SEZ6: variants seen among roughly 807,000 people sequenced by gnomAD.
SEZ6 encodes the protein seizure related 6 homolog.
SEZ6 carries 53 observed loss-of-function variants against 101.0 expected under a neutral mutation model. The ratio of observed to expected loss-of-function variants is 0.52; its 90% CI spans 0.42 to 0.66. The LOEUF (loss-of-function observed/expected upper bound fraction) is 0.66, where lower values mean the gene tolerates loss of function less well. Ranked by LOEUF, SEZ6 falls within the 30% of genes least tolerant of loss-of-function variation. The pLI is 0.00. For missense variants in SEZ6, 1,102 were observed against 1,289.4 expected, an observed-to-expected ratio of 0.85 and a Z score of 2.23; for synonymous variants, 488 against 512.2, an observed-to-expected ratio of 0.95 and a Z score of 0.64.
chr17:28,964,771 A>G (rs1028374569), intron 4 of SEZ6, among the ~76,000 whole-genome samples: 2 of 152,210 alleles, frequency 1.3e-5, no homozygotes, highest in African/African-American at 4.8e-5. Flanking sequence ...TAAAACCAGA[A>G]TGGTGGCCGG....
chr17:28,959,218 C>T lies in SEZ6; in HGVS notation c.1914G>A (p.Leu638=). The change falls in exon 10 of 17, where the codon CTG becomes CTA. Residue 638 remains leucine (L), a synonymous_variant. Transcript: ENST00000317338. The surrounding 1 kb of genome is among the most constrained non-coding windows in gnomAD (Gnocchi z 4.4). ...DKRIMLDIRV[L]RIGPGDVLTF... is the part of the protein sequence containing the mutation. ...TAAGCACATCACCAGGGCCTATGCG[C>T]AGCCTGTGAAGGAGGAGCGTCAGGG... is the stretch of plus-strand genomic sequence containing the variant. 6.2e-7 allele frequency: 1 copy of T among 1,612,640 alleles called. No homozygotes were observed. The highest frequency in any genetic ancestry group is 8.5e-7 in the Non-Finnish European group (1 of 1,179,084).
At chr17:28,977,296 T>C (rs949397904) in intron 3 of SEZ6, among the ~76,000 whole-genome samples, 10 of 152,240 alleles carry the variant, frequency 6.6e-5, no homozygotes, top group African/African-American at 2.2e-4. Context: ...CTCTTGCTCC[T>C]TCCCCAAATT....
chr17:28,989,850 C>T (rs1375234530), intron 1 of SEZ6, among the ~76,000 whole-genome samples: 10 of 152,148 alleles, frequency 6.6e-5, no homozygotes, highest in Admixed American at 5.9e-4. Context: ...GGGGGATCAC[C>T]TGAGGTCAGG....
intron 13 of SEZ6, 100 bp from the exon 14 acceptor site, chr17:28,956,857 G>C: frequency 6.8e-7 from 1 of 1,462,628 alleles, no homozygotes; most frequent in African/African-American, 1.4e-5. Context: ...GGAAGGATTT[G>C]TCCAAGGAGA....
rs2041303038 is a variant in SEZ6 at position 28,981,520 on chromosome 17, C to G, written c.575G>C (p.Gly192Ala). 1.9e-6 allele frequency: 3 copies of G among 1,611,314 alleles called. No homozygotes were observed. The African/African-American group carries it at 4.0e-5, about 22-fold the overall frequency. ...CACAACCTCTGCAACCCACGGCCTT[C>G]CCATGTCTCCAGGACCCTCTTGGGT... ...TPTQEGPGDM[G>A]RPWVAEVVSQ... The change falls in exon 2 of 17, where the codon GGA (glycine) becomes GCA (alanine). Residue 192 changes from glycine to alanine, a missense_variant. By Grantham distance (60) the Gly-to-Ala change is moderately conservative (BLOSUM62 0). This residue lies in a region of SEZ6 where 406 missense variants were observed against 418.6 expected (regional missense o/e 0.97). Coordinates refer to ENST00000317338, the MANE Select transcript of SEZ6 (RefSeq NM_178860.5).
At position 28,959,606 on chromosome 17, in the gene SEZ6, C is replaced by A; in HGVS notation, c.1771+92G>T. 6.5e-7 allele frequency: 1 copy of A among 1,534,856 alleles called. No homozygotes were observed. The highest frequency in any genetic ancestry group is 1.2e-5 in the South Asian group (1 of 80,204). On this transcript the variant is annotated intron_variant, in intron 8 of 16. Coordinates refer to ENST00000317338, the MANE Select transcript of SEZ6 (RefSeq NM_178860.5). This position sits in a 1 kb window ranked among gnomAD's most constrained non-coding sequence, Gnocchi z 4.4. Reference sequence around the variant, plus strand: ...TGGAGGAAGCCTGAACCACGCATATCACAGGGCCCCTGTGGCCCCGGGCTC... The same window carrying A: ...TGGAGGAAGCCTGAACCACGCATATAACAGGGCCCCTGTGGCCCCGGGCTC...
At chr17:28,984,772 G>A (rs1455431854) in intron 1 of SEZ6, among the ~76,000 whole-genome samples, 1 of 152,204 alleles carries the variant, frequency 6.6e-6, no homozygotes, top group Non-Finnish European at 1.5e-5. Context: ...CTCTGTTGGA[G>A]GCCTGAGGCC....
intron 7 of SEZ6, 171 bp downstream of exon 7, chr17:28,960,334 G>A (rs563908180): frequency 1.8e-4 from 152 of 853,460 alleles, no homozygotes; most frequent in Middle Eastern, 1.0e-3. Flanking sequence ...TAGGGATCCC[G>A]GACCCAAAGA....
At chr17:28,979,334 C>A (rs1302778097) in intron 3 of SEZ6, among the ~76,000 whole-genome samples, 1 of 152,176 alleles carries the variant, frequency 6.6e-6, no homozygotes, top group Non-Finnish European at 1.5e-5. Flanking sequence ...AGAGGATTTG[C>A]TGAATGAATG....
intron 5 of SEZ6, among the ~76,000 whole-genome samples, chr17:28,963,010 G>C (rs1482434854): frequency 6.6e-6 from 1 of 151,848 alleles, no homozygotes; most frequent in East Asian, 1.9e-4. Context: ...TGTAGTCCCA[G>C]CTACTCGGGA....
chr17:28,977,437 G>C (rs1158238912), intron 3 of SEZ6, among the ~76,000 whole-genome samples: 1 of 152,268 alleles, frequency 6.6e-6, no homozygotes, highest in Non-Finnish European at 1.5e-5. Flanking sequence ...GGTGGGGCCA[G>C]CATCTGCCAC....
chr17:28,957,066 G>A lies in SEZ6; in HGVS notation c.2671C>T (p.Pro891Ser), dbSNP rs747461463. 2.5e-6 allele frequency: 4 copies of A among 1,601,046 alleles called. No individual in the cohort carries two copies. The highest frequency in any genetic ancestry group is 1.7e-5 in the Admixed American group (1 of 59,280). ...VPGHPSHWSD[P>S]PPICRAASLD... is the part of the protein sequence containing the mutation. ...TCACCAGCCCTACAGATGGGTGGGGGGTCACTCCAATGCGAGGGGTGCCCA... is the reference window on the plus strand; with the variant it reads ...TCACCAGCCCTACAGATGGGTGGGGAGTCACTCCAATGCGAGGGGTGCCCA... Residue 891 changes from proline (P) to serine (S), a missense_variant, in exon 13 of 17, where the codon CCC becomes TCC. Around this residue, in one of 3 missense-constraint regions of SEZ6, gnomAD observed 140 missense variants for 135.7 expected, o/e 1.03. Transcript: ENST00000317338.
chr17:28,988,659 C>T (rs953825438), intron 1 of SEZ6, among the ~76,000 whole-genome samples: 2 of 152,218 alleles, frequency 1.3e-5, no homozygotes, highest in East Asian at 1.9e-4. Flanking sequence ...CACAGCCTCT[C>T]ACCACCCTCT....
chr17:28,960,464 C>A, intron 7 of SEZ6, 41 bp downstream of exon 7: 1 of 1,564,434 alleles, frequency 6.4e-7, no homozygotes, highest in South Asian at 1.2e-5. Context: ...GAGCCCATCC[C>A]CGTGGACCCG....
Position 28,958,022 on chromosome 17 carries a change from G to C in SEZ6, c.2227C>G (p.Gln743Glu). Residue 743 changes from glutamine (Q) to glutamate (E), a missense_variant, in exon 11 of 17, where the codon CAG becomes GAG. By Grantham distance (29) the Gln-to-Glu change is conservative. Coordinates refer to ENST00000317338, the MANE Select transcript of SEZ6 (RefSeq NM_178860.5). ...ATGAGGACACTGGATCCCACTACCT[G>C]GTAGCCAGGGTAGCACTGGTAAGTG... is the stretch of plus-strand genomic sequence containing the variant. ...VVTYQCYPGY[Q>E]VVGSSVLMCQ... is the part of the protein sequence containing the mutation. 1.2e-6 allele frequency: 2 copies of C among 1,613,934 alleles called. No individual in the cohort carries two copies. The highest frequency in any genetic ancestry group is 1.7e-6 in the Non-Finnish European group (2 of 1,179,840).
chr17:29,001,941 T>C (rs1490326630), intron 1 of SEZ6, among the ~76,000 whole-genome samples: 4 of 152,160 alleles, frequency 2.6e-5, no homozygotes, highest in South Asian at 2.1e-4. Context: ...GCAACTTCCA[T>C]TGAAGGCTCC....
chr17:28,977,606 G>C (rs1448485789), intron 3 of SEZ6, among the ~76,000 whole-genome samples: 1 of 152,218 alleles, frequency 6.6e-6, no homozygotes, highest in Admixed American at 6.5e-5. Flanking sequence ...CTTGTGCCTG[G>C]GCCAGAGAGG....
At position 28,960,986 on chromosome 17, in the gene SEZ6, G is replaced by A; in HGVS notation, c.1241-13C>T. 1.2e-6 allele frequency: 2 copies of A among 1,609,188 alleles called. No homozygotes were observed. The highest frequency in any genetic ancestry group is 1.7e-6 in the Non-Finnish European group (2 of 1,177,882). On this transcript the variant is annotated splice_polypyrimidine_tract_variant and intron_variant, in intron 5 of 16. Transcript: ENST00000317338. Reference sequence around the variant, plus strand: ...CCGCCGCAAGCAGCTGTTAAGACCAGGACAGGACGTAGGCTAGGCCCCTGC... The same window carrying A: ...CCGCCGCAAGCAGCTGTTAAGACCAAGACAGGACGTAGGCTAGGCCCCTGC...
At chr17:29,001,420 G>T (rs2041613177) in intron 1 of SEZ6, among the ~76,000 whole-genome samples, 1 of 152,220 alleles carries the variant, frequency 6.6e-6, no homozygotes, top group Non-Finnish European at 1.5e-5. Context: ...AAGGGATGGT[G>T]AGAGCACAGA....
Sources: gnomAD v4.1 joint callset for allele counts (sites outside exome capture counted in the v4.1 genomes callset) on GRCh38, gnomAD v4.1.1 for gene constraint, gnomAD v4.1.1 regional missense constraint, Gnocchi (gnomAD v3.1) non-coding constraint, MANE v1.5 for transcripts, NCBI Gene and HGNC (gene_info 2026-07-23, HGNC 2026-07-21) for gene names.